Variants in L3MBTL4 observed in about 807,000 individuals in gnomAD.
L3MBTL4 encodes L3MBTL histone methyl-lysine binding protein 4, also known as lethal(3)malignant brain tumor-like protein 4.
Under a neutral mutation model 84.5 loss-of-function variants are expected in L3MBTL4, and 70 were observed. That is an observed-to-expected ratio of 0.83 (90% CI 0.68 to 1.01). The LOEUF (loss-of-function observed/expected upper bound fraction) is 1.01. Among genes scored for constraint, L3MBTL4 ranks in the 50% least tolerant of loss-of-function variants. The pLI, the probability that L3MBTL4 is intolerant of heterozygous loss-of-function variation, is 0.00. For synonymous variants in L3MBTL4, 274 were observed against 259.8 expected (o/e 1.05, Z -0.52); for missense variants, 715 against 754.8 (o/e 0.95, Z 0.62).
At chr18:6,232,171 C>T (rs968245984) in intron 10 of L3MBTL4, among the ~76,000 whole-genome samples, 4 of 151,830 alleles carry the variant, frequency 2.6e-5, no homozygotes, top group African/African-American at 9.7e-5. Flanking sequence ...ATTTTGTTGC[C>T]GTGGTATATT....
At chr18:5,971,402 T>A (rs1009788484) in intron 16 of L3MBTL4, among the ~76,000 whole-genome samples, 1 of 152,202 alleles carries the variant, frequency 6.6e-6, no homozygotes, top group Non-Finnish European at 1.5e-5. Flanking sequence ...AATAACCACA[T>A]CACTCAATCA....
chr18:6,096,998 C>T (rs920039327), intron 14 of L3MBTL4, among the ~76,000 whole-genome samples: 1 of 152,190 alleles, frequency 6.6e-6, no homozygotes, highest in East Asian at 1.9e-4. Context: ...TCCATTCCTC[C>T]TTAATTCACA....
chr18:6,390,164 C>CTATA (rs58699401), intron 1 of L3MBTL4, among the ~76,000 whole-genome samples: 9 of 151,452 alleles, frequency 5.9e-5, no homozygotes, highest in Admixed American at 1.3e-4. Context: ...GACTATATAT[C>CTATA]TATATATATA....
chr18:6,102,019 C>T (rs941004035), intron 14 of L3MBTL4, among the ~76,000 whole-genome samples: 4 of 152,198 alleles, frequency 2.6e-5, no homozygotes. Flanking sequence ...ATAATCACTG[C>T]CCTCCAGTTT....
At chr18:6,312,541 C>T (rs987163275) in intron 1 of L3MBTL4, among the ~76,000 whole-genome samples, 5 of 152,146 alleles carry the variant, frequency 3.3e-5, no homozygotes, top group East Asian at 1.9e-4. Flanking sequence ...CACCCAAGAG[C>T]ACCAAGCCAA....
intron 14 of L3MBTL4, among the ~76,000 whole-genome samples, chr18:6,117,687 T>C (rs1435000807): frequency 6.6e-6 from 1 of 152,200 alleles, no homozygotes; most frequent in Non-Finnish European, 1.5e-5. Context: ...GTAAAACATT[T>C]GTGTGATAAG....
chr18:5,963,016 GTTC>G (rs758966533), intron 17 of L3MBTL4, among the ~76,000 whole-genome samples: 5 of 152,196 alleles, frequency 3.3e-5, no homozygotes, highest in African/African-American at 4.8e-5. Flanking sequence ...CATTGCCCCA[GTTC>G]TTCTGCTGGG....
chr18:6,202,050 CCAGT>C lies in L3MBTL4; in HGVS notation c.981+11095_981+11098del, dbSNP rs201427673. Among the ~76,000 whole-genome samples the C allele has an allele frequency of 4.0e-3, 608 of 152,290 alleles. 3 individuals are homozygous for C. Among genetic ancestry groups the C allele is most frequent in the Middle Eastern group, 0.017 (5 of 294 alleles). ...TCTTGTGCCAGTCACCAACTTTCAG[CCAGT>C]CAAAGGCAGACAACTGTTCACACCA... On this transcript the variant is annotated intron_variant, in intron 12 of 18. Transcript: ENST00000317931.
chr18:6,187,602 T>C (rs1390099821), intron 12 of L3MBTL4, among the ~76,000 whole-genome samples: 1 of 152,188 alleles, frequency 6.6e-6, no homozygotes, highest in African/African-American at 2.4e-5. Flanking sequence ...ACAGGTAATT[T>C]ATCCAGCTGA....
intron 13 of L3MBTL4, among the ~76,000 whole-genome samples, chr18:6,157,865 C>T (rs2144941620): frequency 6.6e-6 from 1 of 152,212 alleles, no homozygotes; most frequent in African/African-American, 2.4e-5. Flanking sequence ...AACAATGACA[C>T]AATTATTTAG....
intron 1 of L3MBTL4, among the ~76,000 whole-genome samples, chr18:6,366,390 T>A (rs917766913): frequency 6.6e-6 from 1 of 152,212 alleles, no homozygotes; most frequent in Non-Finnish European, 1.5e-5. Context: ...TAGAGAAAGA[T>A]AACATAATAG....
chr18:6,161,314 C>A (rs1490955019), intron 13 of L3MBTL4, among the ~76,000 whole-genome samples: 3 of 152,176 alleles, frequency 2.0e-5, no homozygotes, highest in African/African-American at 7.2e-5. Flanking sequence ...AGGAAGCTGT[C>A]ATCACCTGGT....
At chr18:6,091,347 G>A (rs1021775616) in intron 15 of L3MBTL4, among the ~76,000 whole-genome samples, 1 of 152,140 alleles carries the variant, frequency 6.6e-6, no homozygotes, top group Non-Finnish European at 1.5e-5. Context: ...AGGATGATTG[G>A]TTAGGAAAAA....
rs73938780 is a variant in L3MBTL4 at position 6,160,307 on chromosome 18, A to G, written c.1096+11521T>C. ...CAAGTCAGCAGTGTTTGGAGTCAGGAGTGTTCGGAGTCAGTGTTGCAAGTC... is the reference window on the plus strand; with the variant it reads ...CAAGTCAGCAGTGTTTGGAGTCAGGGGTGTTCGGAGTCAGTGTTGCAAGTC... On this transcript the variant is annotated intron_variant, in intron 13 of 18. Coordinates refer to ENST00000317931, the MANE Select transcript of L3MBTL4 (RefSeq NM_001330559.2). Among the ~76,000 whole-genome samples the G allele has an allele frequency of 8.2e-3, 1,254 of 152,258 alleles. 20 individuals are homozygous for G. The highest frequency in any genetic ancestry group is 0.029 in the African/African-American group (1,205 of 41,552).
At chr18:6,188,077 G>A (rs1271232959) in intron 12 of L3MBTL4, among the ~76,000 whole-genome samples, 3 of 151,772 alleles carry the variant, frequency 2.0e-5, no homozygotes, top group Non-Finnish European at 4.4e-5. Flanking sequence ...ATGTTCCTGA[G>A]TATTTCAAGT....
intron 16 of L3MBTL4, among the ~76,000 whole-genome samples, chr18:6,020,087 G>C (rs956991629): frequency 6.6e-6 from 1 of 152,132 alleles, no homozygotes; most frequent in Admixed American, 6.6e-5. Context: ...TTCTACAGGA[G>C]AGACAGTTAA....
chr18:6,182,197 T>C (rs1047734773), intron 12 of L3MBTL4, among the ~76,000 whole-genome samples: 2 of 152,224 alleles, frequency 1.3e-5, no homozygotes, highest in Non-Finnish European at 2.9e-5. Flanking sequence ...CCATTCTGAC[T>C]GGTGTGAGAT....
intron 16 of L3MBTL4, among the ~76,000 whole-genome samples, chr18:5,973,811 C>T (rs2052768771): frequency 6.6e-6 from 1 of 152,202 alleles, no homozygotes; most frequent in Admixed American, 6.5e-5. Context: ...TTCCACCTAA[C>T]ACAGCTGAGG....
At chr18:6,361,514 T>C (rs1458264213) in intron 1 of L3MBTL4, among the ~76,000 whole-genome samples, 1 of 152,110 alleles carries the variant, frequency 6.6e-6, no homozygotes, top group Non-Finnish European at 1.5e-5. Context: ...GAATCTGTAA[T>C]AGGAACTAAG....
Sources: allele counts gnomAD v4.1 joint callset (sites outside exome capture counted in the v4.1 genomes callset), GRCh38; gene constraint gnomAD v4.1.1; transcripts MANE v1.5; gene names NCBI Gene and HGNC (gene_info 2026-07-23, HGNC 2026-07-21).